KATNAL1: variants seen among roughly 807,000 people sequenced by gnomAD.
The protein encoded by KATNAL1 is katanin catalytic subunit A1 like 1.
In KATNAL1, 32 loss-of-function variants were observed where a neutral mutation model predicts 55.2. That is an observed-to-expected ratio of 0.58 (90% CI 0.44 to 0.78). The LOEUF (loss-of-function observed/expected upper bound fraction) is 0.78, where lower values mean the gene tolerates loss of function less well. Among genes scored for constraint, KATNAL1 ranks in the 30% least tolerant of loss-of-function variants. The pLI is 0.00. For synonymous variants in KATNAL1, 193 were observed against 193.6 expected (o/e 1.00, Z 0.02); for missense variants, 466 against 600.9 (o/e 0.78, Z 2.35).
chr13:30,293,890 A>G (rs1017410379), intron 1 of KATNAL1, among the ~76,000 whole-genome samples: 6 of 152,220 alleles, frequency 3.9e-5, no homozygotes, highest in Non-Finnish European at 7.3e-5. Flanking sequence ...CATTTTGGTA[A>G]TTCTCACAAT....
At chr13:30,271,247 A>T (rs1252257240) in intron 3 of KATNAL1, among the ~76,000 whole-genome samples, 1 of 152,256 alleles carries the variant, frequency 6.6e-6, no homozygotes, top group Non-Finnish European at 1.5e-5. Context: ...GAGGAAAATG[A>T]GGGACAGGTT....
At chr13:30,274,754 A>G (rs1366133860) in intron 3 of KATNAL1, among the ~76,000 whole-genome samples, 1 of 152,122 alleles carries the variant, frequency 6.6e-6, no homozygotes, top group Admixed American at 6.5e-5. Flanking sequence ...TCAGTGTGTC[A>G]GATCTCTGCA....
chr13:30,217,512 GTGT>G (rs1288854280), intron 9 of KATNAL1, among the ~76,000 whole-genome samples: 1 of 152,206 alleles, frequency 6.6e-6, no homozygotes, highest in Non-Finnish European at 1.5e-5. Context: ...AGGGATTAAT[GTGT>G]TGTTAATCAT....
intron 6 of KATNAL1, among the ~76,000 whole-genome samples, chr13:30,233,625 CG>C (rs1363816062): frequency 6.6e-6 from 1 of 151,114 alleles, no homozygotes; most frequent in Non-Finnish European, 1.5e-5. Flanking sequence ...ATCGATATGT[CG>C]AAGAATTATT....
chr13:30,252,800 T>C (rs1593891592), intron 4 of KATNAL1, among the ~76,000 whole-genome samples: 1 of 152,028 alleles, frequency 6.6e-6, no homozygotes, highest in East Asian at 1.9e-4. Flanking sequence ...TGGAGTGCAG[T>C]GGCTGGATCT....
chr13:30,270,335 C>T (rs1470508750), intron 3 of KATNAL1, among the ~76,000 whole-genome samples: 4 of 151,056 alleles, frequency 2.6e-5, no homozygotes, highest in South Asian at 4.2e-4. Context: ...CCGCCCCACC[C>T]GGGAGGTGAG....
At chr13:30,221,155 G>A (rs987215055) in intron 9 of KATNAL1, among the ~76,000 whole-genome samples, 2 of 152,162 alleles carry the variant, frequency 1.3e-5, no homozygotes, top group Non-Finnish European at 2.9e-5. Context: ...AAGCCTTGGG[G>A]TCTAGTCAAA....
intron 1 of KATNAL1, among the ~76,000 whole-genome samples, chr13:30,301,112 A>AATCCC (rs1882823501): frequency 6.6e-6 from 1 of 152,224 alleles, no homozygotes; most frequent in Non-Finnish European, 1.5e-5. Flanking sequence ...TCACGCCTGT[A>AATCCC]ATCCCAGCAC....
intron 4 of KATNAL1, among the ~76,000 whole-genome samples, chr13:30,246,841 A>C (rs973214799): frequency 2.6e-5 from 4 of 151,992 alleles, no homozygotes; most frequent in Non-Finnish European, 5.9e-5. Flanking sequence ...CCACAATGAG[A>C]TACCATCTCA....
At chr13:30,256,981 C>T (rs1593898135) in intron 3 of KATNAL1, among the ~76,000 whole-genome samples, 1 of 152,096 alleles carries the variant, frequency 6.6e-6, no homozygotes, top group Non-Finnish European at 1.5e-5. Context: ...AAAGCAACTA[C>T]AAAATAGTGC....
At chr13:30,289,160 A>G (rs994974092) in intron 1 of KATNAL1, among the ~76,000 whole-genome samples, 2 of 152,228 alleles carry the variant, frequency 1.3e-5, no homozygotes, top group African/African-American at 4.8e-5. Flanking sequence ...AGATTATTTA[A>G]CACTTCAAAC....
chr13:30,256,328 A>G (rs1217882443), intron 3 of KATNAL1, among the ~76,000 whole-genome samples: 2 of 152,252 alleles, frequency 1.3e-5, no homozygotes, highest in Non-Finnish European at 2.9e-5. Flanking sequence ...GTCTCCTGCA[A>G]ACATTAAAGT....
chr13:30,269,335 C>T (rs958201895), intron 3 of KATNAL1, among the ~76,000 whole-genome samples: 23 of 152,386 alleles, frequency 1.5e-4, no homozygotes, highest in African/African-American at 5.3e-4. Flanking sequence ...CCACCAGCCT[C>T]GGCCTCCCGA....
At chr13:30,294,103 G>GAA (rs1406539331) in intron 1 of KATNAL1, among the ~76,000 whole-genome samples, 1 of 152,098 alleles carries the variant, frequency 6.6e-6, no homozygotes, top group African/African-American at 2.4e-5. Context: ...ACACAATACT[G>GAA]AAATTAGGCC....
intron 3 of KATNAL1, among the ~76,000 whole-genome samples, chr13:30,256,642 G>C (rs1364470674): frequency 6.7e-6 from 1 of 149,430 alleles, no homozygotes; most frequent in Admixed American, 6.7e-5. Context: ...TCAAAGATAG[G>C]AAAATGGATA....
intron 3 of KATNAL1, among the ~76,000 whole-genome samples, chr13:30,256,066 T>C (rs1878759124): frequency 6.6e-6 from 1 of 152,240 alleles, no homozygotes; most frequent in South Asian, 2.1e-4. Context: ...ATTTCTGTTT[T>C]ACAACCAAGA....
intron 1 of KATNAL1, chr13:30,306,661 A>C (rs965216129): frequency 5.3e-5 from 8 of 152,232 alleles, no homozygotes; most frequent in Non-Finnish European, 1.0e-4. Context: ...GAGCTACTTT[A>C]AAACAAACAT....
chr13:30,259,711 C>G (rs878906947), intron 3 of KATNAL1, among the ~76,000 whole-genome samples: 1 of 152,214 alleles, frequency 6.6e-6, no homozygotes, highest in Non-Finnish European at 1.5e-5. Flanking sequence ...GCACCTGGCT[C>G]GGAGGGTCCT....
intron 3 of KATNAL1, among the ~76,000 whole-genome samples, chr13:30,269,676 C>T (rs1235973361): frequency 6.6e-6 from 1 of 151,912 alleles, no homozygotes; most frequent in Non-Finnish European, 1.5e-5. Flanking sequence ...AGCGCCTCTA[C>T]CCGGCCGCGA....
Sources: allele counts gnomAD v4.1 joint callset (sites outside exome capture counted in the v4.1 genomes callset), GRCh38; gene constraint gnomAD v4.1.1; transcripts MANE v1.5; gene names NCBI Gene and HGNC (gene_info 2026-07-23, HGNC 2026-07-21).